The following LARS2 variants were observed in gnomAD, a reference collection of about 807,000 sequenced individuals.
The protein encoded by LARS2 is leucyl-tRNA synthetase 2, mitochondrial.
LARS2 carries 81 observed loss-of-function variants against 116.6 expected under a neutral mutation model. That is an observed-to-expected ratio of 0.69 (90% CI 0.58 to 0.84). The LOEUF is 0.84. LARS2 is among the 40% of genes least tolerant of loss of function. The probability of loss-of-function intolerance (pLI) is 0.00; values close to 1 mark genes in which losing one functional copy is unlikely to be tolerated. For synonymous variants in LARS2, 396 were observed against 407.2 expected, an observed-to-expected ratio of 0.97 and a Z score of 0.33; for missense variants, 968 against 1,114.5, an observed-to-expected ratio of 0.87 and a Z score of 1.87.
At chr3:45,410,023 G>A (rs764114174) in intron 4 of LARS2, among the ~76,000 whole-genome samples, 6 of 152,188 alleles carry the variant, frequency 3.9e-5, no homozygotes, top group Non-Finnish European at 8.8e-5. Context: ...GCTGGTTTTT[G>A]TGACAGTCTC....
At chr3:45,404,078 G>T (rs754740002) in intron 4 of LARS2, among the ~76,000 whole-genome samples, 1 of 152,156 alleles carries the variant, frequency 6.6e-6, no homozygotes, top group African/African-American at 2.4e-5. Flanking sequence ...TTTAATAAAT[G>T]AATCTTGTAA....
At chr3:45,411,252 C>G (rs904781302) in intron 4 of LARS2, among the ~76,000 whole-genome samples, 1 of 152,212 alleles carries the variant, frequency 6.6e-6, no homozygotes, top group African/African-American at 2.4e-5. Context: ...GGCATTTATT[C>G]AGCACACATT....
chr3:45,480,337 G>C (rs1368038141), intron 10 of LARS2, among the ~76,000 whole-genome samples: 3 of 152,232 alleles, frequency 2.0e-5, no homozygotes, highest in Non-Finnish European at 2.9e-5. Context: ...TTTCCATGCA[G>C]TATCCCTAGA....
chr3:45,545,666 C>T (rs1418361131), intron 21 of LARS2, among the ~76,000 whole-genome samples: 2 of 152,186 alleles, frequency 1.3e-5, no homozygotes, highest in African/African-American at 4.8e-5. Flanking sequence ...ATTCAGAGAT[C>T]ACATGCCCTG....
chr3:45,393,065 G>T (rs1697982222), intron 2 of LARS2, among the ~76,000 whole-genome samples: 2 of 152,116 alleles, frequency 1.3e-5, no homozygotes, highest in South Asian at 4.1e-4. Flanking sequence ...TCTTCAGTGA[G>T]GTCATTTCCA....
chr3:45,409,230 G>T (rs1698286055), intron 4 of LARS2, among the ~76,000 whole-genome samples: 1 of 151,938 alleles, frequency 6.6e-6, no homozygotes, highest in Non-Finnish European at 1.5e-5. Context: ...AAATTGCCTA[G>T]TTAGCACATG....
chr3:45,463,881 A>C (rs1407826539), intron 8 of LARS2, among the ~76,000 whole-genome samples: 2 of 152,134 alleles, frequency 1.3e-5, no homozygotes, highest in African/African-American at 4.8e-5. Context: ...CAGCGGTCCA[A>C]GGAGGTATCA....
chr3:45,436,693 C>T (rs1007478987), intron 6 of LARS2, among the ~76,000 whole-genome samples: 2 of 150,782 alleles, frequency 1.3e-5, no homozygotes, highest in Non-Finnish European at 1.5e-5. Flanking sequence ...ACTCGGGAGG[C>T]TGAGGCAAGA....
intron 4 of LARS2, among the ~76,000 whole-genome samples, chr3:45,415,454 C>G (rs1435769353): frequency 1.3e-5 from 2 of 152,122 alleles, no homozygotes; most frequent in Non-Finnish European, 2.9e-5. Flanking sequence ...GCTATCATCC[C>G]CATTTTACAG....
At chr3:45,478,672 A>G (rs1404307223) in intron 10 of LARS2, among the ~76,000 whole-genome samples, 1 of 152,204 alleles carries the variant, frequency 6.6e-6, no homozygotes, top group East Asian at 1.9e-4. Context: ...CTTTTTAATA[A>G]TCTCTGAAAT....
intron 15 of LARS2, among the ~76,000 whole-genome samples, chr3:45,501,203 T>A (rs996508909): frequency 9.7e-6 from 1 of 102,888 alleles, no homozygotes; most frequent in Non-Finnish European, 2.4e-5. Context: ...CTCCTCAGTT[T>A]AAGAAACAGA....
chr3:45,500,873 T>G (rs1486822538), intron 15 of LARS2, among the ~76,000 whole-genome samples: 1 of 152,118 alleles, frequency 6.6e-6, no homozygotes, highest in Admixed American at 6.5e-5. Flanking sequence ...TAGTGTTTTA[T>G]AGCATCTCAT....
rs1465845001 is a variant in LARS2, at chr3:45,485,802, C to T, written c.1123+6C>T. 1.3e-6 allele frequency: 2 copies of T among 1,560,090 alleles called. No individual in the cohort carries two copies. The highest frequency in any genetic ancestry group is 3.4e-5 in the Admixed American group (2 of 57,982). On this transcript the variant is annotated splice_donor_region_variant and intron_variant, in intron 11 of 21. Coordinates refer to ENST00000645846, the MANE Select transcript of LARS2 (RefSeq NM_015340.4). ...CTCTCTGGATTCAAAAATAGGTAAG[C>T]AGCTATTAAAATGTAACCACAACGG... is the stretch of plus-strand genomic sequence containing the variant.
At chr3:45,429,018 G>A (rs990511051) in intron 6 of LARS2, among the ~76,000 whole-genome samples, 34 of 151,992 alleles carry the variant, frequency 2.2e-4, no homozygotes, top group Non-Finnish European at 4.9e-4. Context: ...AAAATTAACA[G>A]TAATTCCATA....
At chr3:45,407,221 T>C (rs906563774) in intron 4 of LARS2, among the ~76,000 whole-genome samples, 1 of 152,224 alleles carries the variant, frequency 6.6e-6, no homozygotes, top group Non-Finnish European at 1.5e-5. Flanking sequence ...GGGAAGTTCT[T>C]AGCAAGTAAA....
intron 16 of LARS2, among the ~76,000 whole-genome samples, chr3:45,513,970 C>T (rs975987836): frequency 3.9e-5 from 6 of 152,118 alleles, no homozygotes; most frequent in Non-Finnish European, 7.3e-5. Context: ...CTTTGGGAGG[C>T]CAAGGCAGGT....
intron 15 of LARS2, among the ~76,000 whole-genome samples, chr3:45,511,657 T>C (rs1186026536): frequency 6.6e-6 from 1 of 151,986 alleles, no homozygotes; most frequent in Non-Finnish European, 1.5e-5. Context: ...TTTTCGCAGG[T>C]TGCAATTCTG....
At chr3:45,470,771 ATAGGGAAG>A (rs1699508600) in intron 8 of LARS2, among the ~76,000 whole-genome samples, 1 of 152,160 alleles carries the variant, frequency 6.6e-6, no homozygotes, top group African/African-American at 2.4e-5. Context: ...TTGGGAGTCG[ATAGGGAAG>A]TATTGAGGAA....
chr3:45,547,330 C>A (rs201088794), intron 21 of LARS2, 21 bp from the exon 22 acceptor site: 52 of 1,587,472 alleles, frequency 3.3e-5, no homozygotes, highest in Non-Finnish European at 4.2e-5. Flanking sequence ...CATTGTTTAT[C>A]TTGGCTTTTC....
Sources: gnomAD v4.1 joint callset for allele counts (sites outside exome capture counted in the v4.1 genomes callset) on GRCh38, gnomAD v4.1.1 for gene constraint, MANE v1.5 for transcripts, NCBI Gene and HGNC (gene_info 2026-07-23, HGNC 2026-07-21) for gene names.